PKD2L1: variants seen among roughly 807,000 people sequenced by gnomAD.
PKD2L1 encodes polycystin-2-like protein 1.
In PKD2L1, 77 loss-of-function variants were observed where a neutral mutation model predicts 93.0. The observed-to-expected ratio is 0.83, with a 90% CI of 0.69 to 1.00. The LOEUF (loss-of-function observed/expected upper bound fraction) is 1.00. Ranked by LOEUF, PKD2L1 falls within the 50% of genes least tolerant of loss-of-function variation. PKD2L1 has a pLI of 0.00. For missense variants in PKD2L1, 977 were observed against 990.9 expected (o/e 0.99, Z 0.19); for synonymous variants, 390 against 388.0 (o/e 1.01, Z -0.06).
intron 2 of PKD2L1, among the ~76,000 whole-genome samples, chr10:100,303,199 G>T (rs2862986): frequency 0.57 from 77,412 of 136,356 alleles, 22,196 homozygotes; most frequent in African/African-American, 0.66. Context: ...CTGTTTTTTT[G>T]TTTTTTTTTT....
chr10:100,319,430 C>T (rs1324961715), intron 2 of PKD2L1, among the ~76,000 whole-genome samples: 2 of 152,232 alleles, frequency 1.3e-5, no homozygotes, highest in East Asian at 3.8e-4. Flanking sequence ...TACAACTGTG[C>T]CTTCACTAAA....
chr10:100,324,635 C>T (rs545089616), intron 2 of PKD2L1, among the ~76,000 whole-genome samples: 1 of 152,276 alleles, frequency 6.6e-6, no homozygotes. Flanking sequence ...ACAAAGATAA[C>T]TACTACCAGT....
intron 15 of PKD2L1, 49 bp from the exon 16 acceptor site, chr10:100,288,527 A>C (rs536279034): frequency 9.1e-7 from 1 of 1,096,284 alleles, no homozygotes; most frequent in African/African-American, 1.5e-5. Flanking sequence ...AAATCTTGGG[A>C]TGCACAAAGG....
At chr10:100,314,307 C>T (rs1162551246) in intron 2 of PKD2L1, among the ~76,000 whole-genome samples, 1 of 152,044 alleles carries the variant, frequency 6.6e-6, no homozygotes, top group South Asian at 2.1e-4. Context: ...GTACCCAGAA[C>T]AGGAAGACAT....
At chr10:100,325,577 T>C (rs765586735) in intron 2 of PKD2L1, among the ~76,000 whole-genome samples, 1 of 152,218 alleles carries the variant, frequency 6.6e-6, no homozygotes, top group Non-Finnish European at 1.5e-5. Flanking sequence ...GTGCGGACTT[T>C]AATTCTCAAG....
chr10:100,295,049 G>A lies in PKD2L1; in HGVS notation c.1431C>T (p.Ile477=), dbSNP rs779515700. 1 of 1,614,198 alleles carries A rather than the reference G, an allele frequency of 6.2e-7. No individual in the cohort carries two copies. Residue 477 remains isoleucine, a synonymous_variant, in exon 8 of 16, where the codon ATC becomes ATT. Coordinates refer to ENST00000318222, the MANE Select transcript of PKD2L1 (RefSeq NM_016112.3). ...TGAAGAACATGACGGCGAAGCCCAG[G>A]ATGTCCTTGGCACAGCGGGCCAGCG... The part of the protein sequence containing the change: ...SSTLARCAKD[I]LGFAVMFFIV...
At position 100,321,086 on chromosome 10, in the gene PKD2L1, C is replaced by T. The variant is rs192666865; in HGVS notation, c.349+8125G>A. ...AAAACTGGCTGGGCATGGTGGCTCA[C>T]GCCTGTAATTCCAGCACTTTGGGAA... On this transcript the variant is annotated intron_variant, in intron 2 of 15. Transcript: ENST00000318222. Among the ~76,000 whole-genome samples the T allele has an allele frequency of 6.6e-3, 1,007 of 152,268 alleles. 15 individuals are homozygous for T. Among genetic ancestry groups the T allele is most frequent in the African/African-American group, 0.023 (955 of 41,560 alleles).
chr10:100,290,317 G>T, intron 13 of PKD2L1, 84 bp downstream of exon 13: 1 of 1,271,440 alleles, frequency 7.9e-7, no homozygotes, highest in Non-Finnish European at 1.1e-6. Flanking sequence ...ACAGAGAATT[G>T]GAAAGTTGTG....
In PKD2L1 at chr10:100,298,694, A is replaced by G; in HGVS notation, c.599T>C (p.Leu200Pro). The change falls in exon 4 of 16, where the codon CTG becomes CCG. Residue 200 changes from leucine (L) to proline (P), a missense_variant. Leu to Pro is a moderately conservative substitution (Grantham distance 98). Transcript: ENST00000318222. ...GTCATTGCGGACCTTTAGCTGCCGCAGCCTCGGAACCCCCAGCAGCATGTT... is the reference window on the plus strand; with the variant it reads ...GTCATTGCGGACCTTTAGCTGCCGCGGCCTCGGAACCCCCAGCAGCATGTT... ...YENMLLGVPR[L>P]RQLKVRNDSC... 6.2e-7 allele frequency: 1 copy of G among 1,614,132 alleles called. No individual in the cohort carries two copies. Among genetic ancestry groups the G allele is most frequent in the Non-Finnish European group, 8.5e-7 (1 of 1,180,018 alleles).
intron 2 of PKD2L1, among the ~76,000 whole-genome samples, chr10:100,314,974 G>T (rs1326487812): frequency 1.8e-4 from 2 of 11,128 alleles, no homozygotes; most frequent in African/African-American, 6.8e-4. Context: ...AAGGAAGGAA[G>T]GAAGGAAGGA....
At chr10:100,319,730 G>A (rs769686924) in intron 2 of PKD2L1, among the ~76,000 whole-genome samples, 4 of 152,216 alleles carry the variant, frequency 2.6e-5, no homozygotes, top group Non-Finnish European at 5.9e-5. Context: ...TAATTGGCAT[G>A]TAGCCATTAG....
intron 2 of PKD2L1, among the ~76,000 whole-genome samples, chr10:100,311,443 T>G (rs1848930817): frequency 6.6e-6 from 1 of 152,214 alleles, no homozygotes; most frequent in South Asian, 2.1e-4. Flanking sequence ...GACTAATAAT[T>G]ATTATTAATC....
At chr10:100,299,337 C>T (rs1453656035) in intron 3 of PKD2L1, among the ~76,000 whole-genome samples, 2 of 152,112 alleles carry the variant, frequency 1.3e-5, no homozygotes, top group African/African-American at 4.8e-5. Flanking sequence ...ATTTAAAATT[C>T]GTTTTGAAGT....
Position 100,288,419 on chromosome 10 carries a change from T to C in PKD2L1, c.2395A>G (p.Ile799Val). ...ACTTAACTCCTCTGCAACGTTGGAATCTCACCACGGGAGAGTCTCCTCTCC... is the reference window on the plus strand; with the variant it reads ...ACTTAACTCCTCTGCAACGTTGGAACCTCACCACGGGAGAGTCTCCTCTCC... ...LEERRLSRGE[I>V]PTLQRS The change falls in exon 16 of 16, where the codon ATT becomes GTT. Residue 799 changes from isoleucine to valine, a missense_variant. Transcript: ENST00000318222. The C allele has an allele frequency of 6.2e-7, 1 of 1,612,318 alleles. No homozygotes were observed. The highest frequency in any genetic ancestry group is 8.5e-7 in the Non-Finnish European group (1 of 1,178,350).
intron 2 of PKD2L1, among the ~76,000 whole-genome samples, chr10:100,311,730 G>A (rs1167463771): frequency 1.3e-5 from 2 of 152,076 alleles, no homozygotes; most frequent in Non-Finnish European, 2.9e-5. Flanking sequence ...ACTCTCCCTG[G>A]GAAGGAATGG....
intron 2 of PKD2L1, among the ~76,000 whole-genome samples, chr10:100,324,555 T>C (rs2133573722): frequency 6.6e-6 from 1 of 152,360 alleles, no homozygotes; most frequent in South Asian, 2.1e-4. Context: ...TTGGCTTCTC[T>C]CTTGAAAGGT....
chr10:100,318,761 C>T (rs1310366862), intron 2 of PKD2L1, among the ~76,000 whole-genome samples: 1 of 151,956 alleles, frequency 6.6e-6, no homozygotes, highest in East Asian at 1.9e-4. Flanking sequence ...CCTCGTGATC[C>T]ACCCACCTTG....
intron 2 of PKD2L1, among the ~76,000 whole-genome samples, chr10:100,327,415 G>A (rs1849402771): frequency 6.6e-6 from 1 of 152,218 alleles, no homozygotes; most frequent in Non-Finnish European, 1.5e-5. Context: ...TCAGTGCACT[G>A]AGATCTTAGA....
chr10:100,295,257 G>C (rs1035584481), intron 7 of PKD2L1, 134 bp from the exon 8 acceptor site: 3 of 692,598 alleles, frequency 4.3e-6, no homozygotes, highest in Non-Finnish European at 5.1e-6. Context: ...TTGAAGAAGG[G>C]AGAATGATAC....
Sources: allele counts gnomAD v4.1 joint callset (sites outside exome capture counted in the v4.1 genomes callset), GRCh38; gene constraint gnomAD v4.1.1; transcripts MANE v1.5; gene names NCBI Gene and HGNC (gene_info 2026-07-23, HGNC 2026-07-21).